The following SMARCA4 variants were observed in gnomAD, a reference collection of about 807,000 sequenced individuals.
SMARCA4 encodes the protein SWI/SNF related BAF chromatin remodeling complex subunit ATPase 4, also known as SWI/SNF-related matrix-associated actin-dependent regulator of chromatin subfamily A member 4.
SMARCA4 carries 31 observed loss-of-function variants against 193.9 expected under a neutral mutation model. That is an observed-to-expected ratio of 0.16 (90% CI 0.12 to 0.22). The LOEUF is 0.22. SMARCA4 is among the 10% of genes least tolerant of loss of function. SMARCA4 has a pLI of 1.00. For synonymous variants in SMARCA4, 942 were observed against 933.1 expected, an observed-to-expected ratio of 1.01 and a Z score of -0.17; for missense variants, 1,148 against 2,296.0, an observed-to-expected ratio of 0.50 and a Z score of 10.22.
intron 14 of SMARCA4, among the ~76,000 whole-genome samples, chr19:11,009,943 C>T (rs574002156): frequency 6.6e-4 from 100 of 152,210 alleles, no homozygotes; most frequent in Non-Finnish European, 9.4e-4. Context: ...CATGCCTTGG[C>T]CTCCCAAAGT....
At chr19:11,028,257 C>T (rs2090402196) in intron 24 of SMARCA4, among the ~76,000 whole-genome samples, 3 of 152,208 alleles carry the variant, frequency 2.0e-5, no homozygotes, top group Non-Finnish European at 4.4e-5. Flanking sequence ...CATGTGGACA[C>T]AGGAAAGAAA....
intron 1 of SMARCA4, among the ~76,000 whole-genome samples, chr19:10,964,613 C>T (rs199964399): frequency 1.3e-5 from 2 of 149,866 alleles, no homozygotes; most frequent in South Asian, 4.2e-4. Context: ...CCACCGCGCC[C>T]GGCCTCTTTT....
At chr19:10,995,400 T>G (rs2086938355) in intron 9 of SMARCA4, 2 of 465,046 alleles carry the variant, frequency 4.3e-6, no homozygotes, top group African/African-American at 4.0e-5. Flanking sequence ...GGTGCTGCTC[T>G]GTGTACGGGG....
At chr19:11,000,143 G>A in intron 11 of SMARCA4, among the ~76,000 whole-genome samples, 1 of 151,140 alleles carries the variant, frequency 6.6e-6, no homozygotes, top group South Asian at 2.1e-4. Context: ...AGGAGAATTG[G>A]TTGAACCTGA....
rs748276210 is a variant in SMARCA4 at position 11,008,030 on chromosome 19, G to T, written c.2123+7G>T. On this transcript the variant is annotated splice_region_variant and intron_variant, in intron 14 of 34. Coordinates refer to ENST00000344626, the MANE Select transcript of SMARCA4 (RefSeq NM_003072.5). ...ACGCGCGGCACATCATTGAGTAAGG[G>T]GTCCCGACACAGGTTGTTCTGTGCC... The T allele has an allele frequency of 1.9e-6, 3 of 1,612,046 alleles. No homozygotes were observed. Among genetic ancestry groups the T allele is most frequent in the Non-Finnish European group, 2.5e-6 (3 of 1,178,966 alleles).
intron 1 of SMARCA4, among the ~76,000 whole-genome samples, chr19:10,962,350 G>T (rs1052421580): frequency 6.6e-6 from 1 of 152,128 alleles, no homozygotes; most frequent in African/African-American, 2.4e-5. Flanking sequence ...ATGGTCGGGG[G>T]TTGGATCCTG....
chr19:11,047,167 A>C (rs2075979986), intron 30 of SMARCA4, among the ~76,000 whole-genome samples: 2 of 152,120 alleles, frequency 1.3e-5, no homozygotes, highest in African/African-American at 2.4e-5. Context: ...CGAGAGCCCT[A>C]GCGGTTGTTA....
intron 18 of SMARCA4, 129 bp from the exon 19 acceptor site, chr19:11,021,596 G>A: frequency 8.3e-7 from 1 of 1,198,130 alleles, no homozygotes; most frequent in Non-Finnish European, 1.2e-6. Flanking sequence ...CGTCAGGCCT[G>A]TGCTCTCCAC....
intron 16 of SMARCA4, among the ~76,000 whole-genome samples, chr19:11,016,329 C>T (rs974115345): frequency 6.6e-6 from 1 of 152,206 alleles, no homozygotes; most frequent in Non-Finnish European, 1.5e-5. Context: ...CCACCTCCAA[C>T]ATTGGAAATC....
rs1013070906 is a variant in SMARCA4 at position 11,033,151 on chromosome 19, C to T, written c.3547-139C>T. 20 of 718,934 alleles carry T rather than the reference C, an allele frequency of 2.8e-5. No homozygotes were observed. Among genetic ancestry groups the T allele is most frequent in the South Asian group, 8.8e-5 (6 of 68,452 alleles). The allele number at this position is 718,934 out of a possible 1,614,324, so 44.5% of individuals were successfully genotyped here. The stretch of plus-strand genomic sequence containing the variant: ...AGGCTCCACCAGCTCTGTTTTCATG[C>T]GGCGGCAGGTCAGGCTGGGCAGAAT... On this transcript the variant is annotated intron_variant, in intron 25 of 34. Transcript: ENST00000344626. This position sits in a 1 kb window ranked among gnomAD's most constrained non-coding sequence, Gnocchi z 9.8.
intron 9 of SMARCA4, 136 bp downstream of exon 9, chr19:10,995,137 G>A (rs1243057782): frequency 1.2e-6 from 1 of 823,048 alleles, no homozygotes; most frequent in Admixed American, 2.0e-5. Context: ...AAAAGAGCAG[G>A]CGCGGGCTTG....
chr19:10,973,355 A>T (rs976559278), intron 1 of SMARCA4, among the ~76,000 whole-genome samples: 1 of 151,862 alleles, frequency 6.6e-6, no homozygotes, highest in Non-Finnish European at 1.5e-5. Flanking sequence ...TAAGGCAGAG[A>T]ACCGTCCTGG....
chr19:11,061,342 G>A (rs2076884623), intron 34 of SMARCA4, among the ~76,000 whole-genome samples: 1 of 151,124 alleles, frequency 6.6e-6, no homozygotes, highest in African/African-American at 2.4e-5. Context: ...ACAGAGCAGG[G>A]AAGGCACGTG....
intron 23 of SMARCA4, among the ~76,000 whole-genome samples, chr19:11,026,957 C>G (rs1296309335): frequency 1.2e-4 from 18 of 152,200 alleles, no homozygotes; most frequent in Admixed American, 1.2e-3. Context: ...ACTCTGCTCA[C>G]TAGTACAGAG....
chr19:11,003,381 CAGA>C lies in SMARCA4; in HGVS notation c.1992_1994del (p.Glu672del). On this transcript the variant is annotated inframe_deletion, in exon 13 of 35. Transcript: ENST00000344626. ...AGGTCTGATAGTGAAGAAAGTGGCTCAGAAGAAGAGGAAGAGGTAAGAGTGCAT... is the reference window on the plus strand; with the variant it reads ...AGGTCTGATAGTGAAGAAAGTGGCTCAGAAGAGGAAGAGGTAAGAGTGCAT... The C allele has an allele frequency of 6.2e-7, 1 of 1,614,044 alleles. No homozygotes were observed. Among genetic ancestry groups the C allele is most frequent in the Non-Finnish European group, 8.5e-7 (1 of 1,179,924 alleles).
At chr19:11,052,664 G>A (rs1352512886) in intron 30 of SMARCA4, among the ~76,000 whole-genome samples, 1 of 152,176 alleles carries the variant, frequency 6.6e-6, no homozygotes, top group South Asian at 2.1e-4. Flanking sequence ...AGGATTCCAG[G>A]ACCTCCTGTG....
chr19:11,038,647 C>CA, intron 29 of SMARCA4, among the ~76,000 whole-genome samples: 1 of 152,286 alleles, frequency 6.6e-6, no homozygotes, highest in East Asian at 1.9e-4. Flanking sequence ...ATCTTCCTTC[C>CA]AAGGGTAGGG....
chr19:10,975,036 T>G (rs1394425021), intron 1 of SMARCA4, among the ~76,000 whole-genome samples: 1 of 147,408 alleles, frequency 6.8e-6, no homozygotes, highest in African/African-American at 2.5e-5. Flanking sequence ...TTTTTTTTTT[T>G]TTTGAGACAG....
chr19:11,004,709 A>G (rs942418730), intron 13 of SMARCA4, among the ~76,000 whole-genome samples: 9 of 152,044 alleles, frequency 5.9e-5, no homozygotes, highest in African/African-American at 1.9e-4. Flanking sequence ...TTTTAAGACC[A>G]TTTATATTTA....
Sources: gnomAD v4.1 joint callset for allele counts (sites outside exome capture counted in the v4.1 genomes callset) on GRCh38, gnomAD v4.1.1 for gene constraint, Gnocchi (gnomAD v3.1) non-coding constraint, MANE v1.5 for transcripts, NCBI Gene and HGNC (gene_info 2026-07-23, HGNC 2026-07-21) for gene names.